Variants in INSL6 observed in about 807,000 individuals in gnomAD.
INSL6 encodes insulin-like peptide INSL6.
A neutral mutation model predicts 9.4 loss-of-function variants in INSL6; 16 were observed. The ratio of observed to expected loss-of-function variants is 1.70; its 90% CI spans 1.15 to 2.59. The LOEUF (loss-of-function observed/expected upper bound fraction) is 2.59, where lower values mean the gene tolerates loss of function less well. INSL6 is among the 30% of genes most tolerant of loss of function. The pLI is 0.00. For missense variants in INSL6, 391 were observed against 257.3 expected (o/e 1.52, Z -3.56); for synonymous variants, 154 against 96.9 (o/e 1.59, Z -3.46).
At chr9:5,107,947 ATTAT>A in the INSL6 span, 7 of 152,160 alleles carry the variant, frequency 4.6e-5, no homozygotes, top group African/African-American at 1.7e-4. Context: ...TATTCCGACA[ATTAT>A]GCTGTTACCA....
At chr9:5,172,666 C>A (rs546975690) in intron 1 of INSL6, among the ~76,000 whole-genome samples, 1 of 152,114 alleles carries the variant, frequency 6.6e-6, no homozygotes, top group Non-Finnish European at 1.5e-5. Flanking sequence ...CAGTGGCTCA[C>A]GCCTGTAATC....
chr9:5,114,205 G>C, the INSL6 span: 5 of 485,958 alleles, frequency 1.0e-5, no homozygotes, highest in African/African-American at 7.8e-5. Flanking sequence ...TACCTGAGCC[G>C]GTCCAGCCCC....
chr9:5,049,390 C>A, the INSL6 span, among the ~76,000 whole-genome samples: 3 of 152,214 alleles, frequency 2.0e-5, no homozygotes, highest in African/African-American at 7.2e-5. Context: ...TTAGTTTATG[C>A]ATCTGAACAT....
the INSL6 span, chr9:5,108,758 C>T: frequency 6.6e-6 from 1 of 151,982 alleles, no homozygotes; most frequent in Non-Finnish European, 1.5e-5. Flanking sequence ...GTCTACAAAC[C>T]GATGTAAAAT....
chr9:5,165,819 C>T (rs1825039153), intron 1 of INSL6, among the ~76,000 whole-genome samples: 3 of 152,178 alleles, frequency 2.0e-5, no homozygotes, highest in Admixed American at 1.3e-4. Context: ...ATTGTACTTC[C>T]ATTATGGCCC....
At chr9:5,062,500 T>TAAAAAAAAAA in the INSL6 span, among the ~76,000 whole-genome samples, 57 of 58,240 alleles carry the variant, frequency 9.8e-4, 9 homozygotes, top group African/African-American at 5.7e-3. Context: ...CTTCCATTTG[T>TAAAAAAAAAA]AAAAAAAAAA....
At chr9:5,035,105 C>T in the INSL6 span, among the ~76,000 whole-genome samples, 3 of 152,204 alleles carry the variant, frequency 2.0e-5, no homozygotes, top group African/African-American at 7.2e-5. Context: ...CTATAAACAC[C>T]TCTACATGAA....
At chr9:4,994,872 T>A in the INSL6 span, among the ~76,000 whole-genome samples, 1 of 152,232 alleles carries the variant, frequency 6.6e-6, no homozygotes, top group Non-Finnish European at 1.5e-5. Context: ...AAAAAAATTA[T>A]CTATTTTTTG....
the INSL6 span, among the ~76,000 whole-genome samples, chr9:5,087,021 C>G: frequency 9.2e-5 from 14 of 152,176 alleles, no homozygotes; most frequent in East Asian, 2.1e-3. Flanking sequence ...GCTTCCATCC[C>G]TCAAACACTA....
chr9:5,048,202 CG>C, the INSL6 span, among the ~76,000 whole-genome samples: 1 of 151,792 alleles, frequency 6.6e-6, no homozygotes, highest in Non-Finnish European at 1.5e-5. Flanking sequence ...AGTGCAATGG[CG>C]TGATCTCGGC....
chr9:5,173,848 C>G (rs1220079367), intron 1 of INSL6, among the ~76,000 whole-genome samples: 1 of 152,024 alleles, frequency 6.6e-6, no homozygotes, highest in African/African-American at 2.4e-5. Context: ...AACCTATCAA[C>G]TTAGTTTACC....
the INSL6 span, chr9:5,090,527 T>C: frequency 1.3e-6 from 2 of 1,597,016 alleles, no homozygotes; most frequent in South Asian, 1.1e-5. Context: ...AAAGAACGGA[T>C]AGATCACATA....
the INSL6 span, among the ~76,000 whole-genome samples, chr9:5,025,841 A>G: frequency 6.6e-6 from 1 of 152,204 alleles, no homozygotes; most frequent in Admixed American, 6.5e-5. Context: ...TTTAATGGTT[A>G]TAGTTCTGTT....
At chr9:5,008,752 T>C in the INSL6 span, among the ~76,000 whole-genome samples, 3 of 152,234 alleles carry the variant, frequency 2.0e-5, no homozygotes, top group African/African-American at 4.8e-5. Context: ...AGCAGATCTT[T>C]TTAACATGAA....
At chr9:5,184,709 T>C (rs560377256) in intron 1 of INSL6, among the ~76,000 whole-genome samples, 2 of 152,194 alleles carry the variant, frequency 1.3e-5, no homozygotes, top group Non-Finnish European at 2.9e-5. Context: ...GTGAATGAAA[T>C]ACAAGTACGT....
At position 5,137,461 on chromosome 9, in the gene INSL6, C is replaced by T. The variant is rs138342988; in HGVS notation, c.377-3869G>A. On this transcript the variant is annotated intron_variant, in intron 2 of 3. Coordinates refer to the INSL6 transcript ENST00000649639. ...AACAGAACAGAGGCCTCACAAATAA[C>T]ACCACACATCTACAACCACCTGATC... Among the ~76,000 whole-genome samples the T allele has an allele frequency of 5.8e-3, 879 of 152,152 alleles. 4 individuals carry two copies. The highest frequency in any genetic ancestry group is 0.02 in the African/African-American group (813 of 41,542).
chr9:5,052,761 T>C, the INSL6 span, among the ~76,000 whole-genome samples: 1 of 152,130 alleles, frequency 6.6e-6, no homozygotes, highest in East Asian at 1.9e-4. Context: ...GCATTTTTTT[T>C]GTCTGGCTTC....
intron 2 of INSL6, among the ~76,000 whole-genome samples, chr9:5,139,508 T>C (rs570065158): frequency 2.0e-5 from 3 of 152,198 alleles, no homozygotes; most frequent in African/African-American, 2.4e-5. Context: ...TAAAAAGAAG[T>C]GTTATTTAAA....
At chr9:5,171,223 C>A (rs189995203) in intron 1 of INSL6, among the ~76,000 whole-genome samples, 43 of 152,300 alleles carry the variant, frequency 2.8e-4, no homozygotes, top group African/African-American at 1.0e-3. Context: ...ATAAACATAT[C>A]TAAAGACAAA....
Sources: allele counts gnomAD v4.1 joint callset (sites outside exome capture counted in the v4.1 genomes callset), GRCh38; gene constraint gnomAD v4.1.1; transcripts MANE v1.5; gene names NCBI Gene and HGNC (gene_info 2026-07-23, HGNC 2026-07-21).